The following CUX1 variants were observed in gnomAD, a reference collection of about 807,000 sequenced individuals.
The protein encoded by CUX1 is protein CASP.
Under a neutral mutation model 158.8 loss-of-function variants are expected in CUX1, and 31 were observed. The ratio of observed to expected loss-of-function variants is 0.20; its 90% CI spans 0.15 to 0.26. CUX1 has a LOEUF of 0.26. Among genes scored for constraint, CUX1 ranks in the 10% least tolerant of loss-of-function variants. The probability of loss-of-function intolerance (pLI) is 1.00; values close to 1 mark genes in which losing one functional copy is unlikely to be tolerated. For missense variants in CUX1, 1,589 were observed against 2,014.6 expected (o/e 0.79, Z 4.04); for synonymous variants, 879 against 862.1 (o/e 1.02, Z -0.34).
At chr7:102,081,779 C>T (rs908414907) in intron 4 of CUX1, among the ~76,000 whole-genome samples, 16 of 146,386 alleles carry the variant, frequency 1.1e-4, no homozygotes, top group African/African-American at 3.9e-4. Context: ...GCGCCTGCCA[C>T]CATGCCCAAT....
At chr7:102,060,124 A>AG (rs1284173224) in intron 3 of CUX1, among the ~76,000 whole-genome samples, 2 of 150,814 alleles carry the variant, frequency 1.3e-5, no homozygotes, top group Non-Finnish European at 3.0e-5. Context: ...AAAAATACAA[A>AG]AAAAGTAGCT....
intron 2 of CUX1, among the ~76,000 whole-genome samples, chr7:101,984,089 A>AAATATAT (rs1221503978): frequency 1.0e-4 from 3 of 29,840 alleles, no homozygotes; most frequent in Non-Finnish European, 1.4e-4. Flanking sequence ...AAAAAAAAAA[A>AAATATAT]ATATATATAT....
intron 2 of CUX1, among the ~76,000 whole-genome samples, chr7:101,925,229 C>A (rs2129103547): frequency 6.6e-6 from 1 of 152,306 alleles, no homozygotes; most frequent in East Asian, 1.9e-4. Context: ...CTGCCTCAGC[C>A]TCCCAAATAG....
chr7:102,163,277 T>A (rs1476969684), intron 9 of CUX1, among the ~76,000 whole-genome samples: 7 of 150,304 alleles, frequency 4.7e-5, no homozygotes, highest in African/African-American at 1.7e-4. Context: ...CTTGAGCCCA[T>A]GAGTTTGAGA....
intron 23 of CUX1, among the ~76,000 whole-genome samples, chr7:102,241,669 G>A (rs564936996): frequency 3.5e-4 from 53 of 152,356 alleles, no homozygotes; most frequent in African/African-American, 1.3e-3. Context: ...ATTGCCCATA[G>A]AGGCAAAGTC....
At chr7:102,120,674 A>G (rs558388362) in intron 8 of CUX1, among the ~76,000 whole-genome samples, 18 of 152,320 alleles carry the variant, frequency 1.2e-4, no homozygotes, top group African/African-American at 4.3e-4. Flanking sequence ...ACAGCAGAAA[A>G]CTTTCCCGTA....
At chr7:102,158,130 G>A (rs1554505859) in intron 8 of CUX1, among the ~76,000 whole-genome samples, 1 of 151,984 alleles carries the variant, frequency 6.6e-6, no homozygotes, top group African/African-American at 2.4e-5. Context: ...CCCCCAGCCT[G>A]GCAAACTTCT....
At position 102,196,761 on chromosome 7, in the gene CUX1, G is replaced by C. The variant is rs1794843995; in HGVS notation, c.1350G>C (p.Gln450His). The change falls in exon 15 of 24, where the codon CAG becomes CAC. Residue 450 changes from glutamine (Q) to histidine (H), a missense_variant. By Grantham distance (24) the Gln-to-His change is conservative. Around this residue, in one of 8 missense-constraint regions of CUX1, gnomAD observed 515 missense variants for 574.4 expected, o/e 0.90. Coordinates refer to ENST00000292535, the MANE Select transcript of CUX1 (RefSeq NM_181552.4). ...CTTCCAATACTAATGGTACACACCAGTTCTCACCAGCGGGGTTAAGTCAAG... is the reference window on the plus strand; with the variant it reads ...CTTCCAATACTAATGGTACACACCACTTCTCACCAGCGGGGTTAAGTCAAG... ...EQASNTNGTH[Q>H]FSPAGLSQDF... 1.9e-6 allele frequency: 3 copies of C among 1,614,010 alleles called. No homozygotes were observed. In the African/African-American group the frequency reaches 4.0e-5, roughly 22 times the overall value.
Position 102,201,225 on chromosome 7 carries a change from G to T in CUX1, c.2063-135G>T, listed in dbSNP as rs529227525. The T allele has an allele frequency of 2.8e-5, 36 of 1,300,102 alleles. No individual in the cohort carries two copies. In the Middle Eastern group the frequency reaches 1.4e-3, roughly 51 times the overall value. The allele number at this position is 1,300,102 out of a possible 1,614,324, so 80.5% of individuals were successfully genotyped here. ...ATGCCTGAATGTTTCACTGACAGGG[G>T]CCATGCTGGGGAAATACACAGTGTG... On this transcript the variant is annotated intron_variant, in intron 17 of 23. Transcript: ENST00000292535. The surrounding 1 kb of genome is among the most constrained non-coding windows in gnomAD (Gnocchi z 5.0).
rs1432630918 is a variant in CUX1 at position 102,253,413 on chromosome 7, GA to G, written c.*4373del. 3 of 985,332 alleles carry G rather than the reference GA, an allele frequency of 3.0e-6. No individual in the cohort carries two copies. In the African/African-American group the frequency reaches 5.2e-5, roughly 17 times the overall value. The allele number at this position is 985,332 out of a possible 1,614,324, so 61.0% of individuals were successfully genotyped here. On this transcript the variant is annotated 3_prime_UTR_variant, in exon 24 of 24. Transcript: ENST00000292535. ...ACAGCCAGGCCCTAAAAAGAGAGGG[GA>G]ACAGGAGTCCCCAGGTGAGCTCTCT...
chr7:102,275,414 G>T, intron 17 of CUX1: 1 of 1,371,162 alleles, frequency 7.3e-7, no homozygotes, highest in South Asian at 1.2e-5. Context: ...CACAGTTGGG[G>T]AACACACAGG....
chr7:102,156,177 G>A (rs1275588569), intron 8 of CUX1, among the ~76,000 whole-genome samples: 1 of 152,182 alleles, frequency 6.6e-6, no homozygotes, highest in African/African-American at 2.4e-5. Flanking sequence ...CAGGGGCCCG[G>A]AGACAGTTTT....
chr7:102,179,605 C>T (rs75611885), intron 11 of CUX1, among the ~76,000 whole-genome samples: 9,924 of 152,268 alleles, frequency 0.065, 447 homozygotes, highest in African/African-American at 0.12. Flanking sequence ...CTATCCCAGA[C>T]GCAGAACCCA....
chr7:102,254,196 C>T lies in CUX1; in HGVS notation c.*5154C>T, dbSNP rs756098059. ...TTCTTTTGCAGGCAGGGCGTGGTCT[C>T]GGGGCTCCGAGGGTCTTGTCTTTGG... is the stretch of plus-strand genomic sequence containing the variant. On this transcript the variant is annotated 3_prime_UTR_variant, in exon 24 of 24. Coordinates refer to ENST00000292535, the MANE Select transcript of CUX1 (RefSeq NM_181552.4). 1.4e-5 allele frequency: 14 copies of T among 985,484 alleles called. No individual in the cohort carries two copies. The highest frequency in any genetic ancestry group is 5.2e-5 in the African/African-American group (3 of 57,224). 61.0% of individuals were successfully genotyped at this position (985,484 alleles called of 1,614,324 possible). A position where few individuals can be genotyped will look rare whatever the true frequency, so the allele number is the denominator to read the frequency against.
At chr7:101,912,797 C>T (rs1584958207) in intron 1 of CUX1, among the ~76,000 whole-genome samples, 1 of 152,284 alleles carries the variant, frequency 6.6e-6, no homozygotes, top group African/African-American at 2.4e-5. Flanking sequence ...AGGGGCTAAA[C>T]CGACAGGGTA....
intron 1 of CUX1, among the ~76,000 whole-genome samples, chr7:101,825,266 C>T (rs1793126573): frequency 6.6e-6 from 1 of 152,214 alleles, no homozygotes; most frequent in South Asian, 2.1e-4. Context: ...AGCAGAGGAG[C>T]ATGTGTTTAA....
chr7:102,007,639 C>T (rs1049927967), intron 2 of CUX1, among the ~76,000 whole-genome samples: 1 of 151,554 alleles, frequency 6.6e-6, no homozygotes, highest in African/African-American at 2.4e-5. Context: ...CTCCTGTTCC[C>T]GTCAGTCTGC....
At position 102,257,436 on chromosome 7, in the gene CUX1, G is replaced by A. The variant is rs1053784020; in HGVS notation, c.*8394G>A. ...AGACCTCTTGGAAAAAAAAAATCCCGTGTATTCTGGAGATGTGAGAATTCA... is the reference window on the plus strand; with the variant it reads ...AGACCTCTTGGAAAAAAAAAATCCCATGTATTCTGGAGATGTGAGAATTCA... On this transcript the variant is annotated 3_prime_UTR_variant, in exon 24 of 24. Coordinates refer to ENST00000292535, the MANE Select transcript of CUX1 (RefSeq NM_181552.4). The A allele has an allele frequency of 9.1e-6, 9 of 984,954 alleles. No homozygotes were observed. The highest frequency in any genetic ancestry group is 3.5e-5 in the African/African-American group (2 of 57,150). The allele number at this position is 984,954 out of a possible 1,614,324, so 61.0% of individuals were successfully genotyped here.
intron 1 of CUX1, among the ~76,000 whole-genome samples, chr7:101,849,105 G>A (rs1795999740): frequency 1.3e-5 from 2 of 152,122 alleles, no homozygotes; most frequent in Admixed American, 1.3e-4. Flanking sequence ...CTTCTCTGAA[G>A]GGTGGGTAGT....
Sources: allele counts gnomAD v4.1 joint callset (sites outside exome capture counted in the v4.1 genomes callset), GRCh38; gene constraint gnomAD v4.1.1; regional missense constraint gnomAD v4.1.1; non-coding constraint Gnocchi (gnomAD v3.1); transcripts MANE v1.5; gene names NCBI Gene and HGNC (gene_info 2026-07-23, HGNC 2026-07-21).